PDE4D: variants seen among roughly 807,000 people sequenced by gnomAD.
PDE4D encodes the protein 3',5'-cyclic-AMP phosphodiesterase 4D.
Under a neutral mutation model 87.4 loss-of-function variants are expected in PDE4D, and 24 were observed. The observed-to-expected ratio is 0.27, with a 90% confidence interval of 0.20 to 0.39. PDE4D has a LOEUF of 0.39. Ranked by LOEUF, PDE4D falls within the 10% of genes least tolerant of loss-of-function variation. The probability of loss-of-function intolerance (pLI) is 1.00; values close to 1 mark genes in which losing one functional copy is unlikely to be tolerated. For missense variants in PDE4D, 714 were observed against 1,041.0 expected, an observed-to-expected ratio of 0.69 and a Z score of 4.32; for synonymous variants, 384 against 383.2, an observed-to-expected ratio of 1.00 and a Z score of -0.02.
intron 1 of PDE4D, among the ~76,000 whole-genome samples, chr5:59,249,845 T>TTG (rs145460810): frequency 4.0e-4 from 60 of 151,628 alleles, no homozygotes; most frequent in East Asian, 1.4e-3. Context: ...GTGTGTCGTA[T>TTG]TGTGTGTGTG....
At chr5:59,028,304 CATT>C (rs1319924210) in intron 6 of PDE4D, among the ~76,000 whole-genome samples, 3 of 151,940 alleles carry the variant, frequency 2.0e-5, no homozygotes, top group African/African-American at 7.2e-5. Context: ...GTAAATAAAA[CATT>C]ATAATAGTCC....
intron 1 of PDE4D, among the ~76,000 whole-genome samples, chr5:59,555,366 A>C (rs953242461): frequency 6.6e-5 from 10 of 152,102 alleles, no homozygotes; most frequent in Non-Finnish European, 2.9e-5. Context: ...GGTATGAGGG[A>C]GACAACCAGA....
Position 59,092,062 on chromosome 5 carries a change from A to G in PDE4D, c.809-53091T>C, listed in dbSNP as rs960378045. Among the ~76,000 whole-genome samples, 3 of 152,212 alleles carry G rather than the reference A, an allele frequency of 2.0e-5. No individual in the cohort carries two copies. In the East Asian group the frequency reaches 5.8e-4, roughly 29 times the overall value. On this transcript the variant is annotated intron_variant, in intron 5 of 14. Coordinates refer to ENST00000340635, the MANE Select transcript of PDE4D (RefSeq NM_001104631.2). Reference sequence around the variant, plus strand: ...GTCTGGTTTAACTGAAATTGACAGCAAAGACAACAGAGCACACTTAATTGA... The same window carrying G: ...GTCTGGTTTAACTGAAATTGACAGCGAAGACAACAGAGCACACTTAATTGA...
chr5:59,272,584 C>T (rs26710), intron 1 of PDE4D, among the ~76,000 whole-genome samples: 30,619 of 151,930 alleles, frequency 0.2, 3,469 homozygotes, highest in Non-Finnish European at 0.25. Flanking sequence ...TCTGCTAGAA[C>T]GTGGCATATA....
At chr5:59,115,089 G>A (rs1176437821) in intron 5 of PDE4D, among the ~76,000 whole-genome samples, 2 of 140,078 alleles carry the variant, frequency 1.4e-5, no homozygotes, top group African/African-American at 2.7e-5. Flanking sequence ...GATAGATGGA[G>A]CAATGTCCAG....
chr5:59,606,698 G>T (rs1430987891), intron 1 of PDE4D, among the ~76,000 whole-genome samples: 1 of 152,128 alleles, frequency 6.6e-6, no homozygotes, highest in Non-Finnish European at 1.5e-5. Flanking sequence ...ACCTTCGTAA[G>T]TAGTAAATGC....
At chr5:60,076,774 G>A (rs1773341218) in intron 2 of PDE4D, among the ~76,000 whole-genome samples, 1 of 152,226 alleles carries the variant, frequency 6.6e-6, no homozygotes, top group Non-Finnish European at 1.5e-5. Flanking sequence ...ATAGGGCAGA[G>A]GCAGCAGAAT....
chr5:59,420,009 G>A (rs535304024), intron 1 of PDE4D, among the ~76,000 whole-genome samples: 1 of 152,264 alleles, frequency 6.6e-6, no homozygotes, highest in Admixed American at 6.5e-5. Flanking sequence ...CATTGCACGT[G>A]GTGGCAGATG....
intron 3 of PDE4D, among the ~76,000 whole-genome samples, chr5:59,969,666 T>C (rs946218344): frequency 6.6e-6 from 1 of 152,144 alleles, no homozygotes; most frequent in African/African-American, 2.4e-5. Flanking sequence ...AATTGAACCA[T>C]GGGGACAGTT....
chr5:59,180,794 G>T, intron 4 of PDE4D, 150 bp from the exon 5 acceptor site: 1 of 719,364 alleles, frequency 1.4e-6, no homozygotes, highest in Non-Finnish European at 2.4e-6. Context: ...AGCCAGACAA[G>T]TCCCTAGGCG....
intron 1 of PDE4D, among the ~76,000 whole-genome samples, chr5:60,437,301 G>A (rs577149849): frequency 2.6e-5 from 4 of 151,950 alleles, no homozygotes; most frequent in African/African-American, 4.8e-5. Context: ...CTATTTGACC[G>A]GTCTCTAAGT....
At chr5:59,953,217 A>T (rs569332352) in intron 3 of PDE4D, among the ~76,000 whole-genome samples, 3 of 152,148 alleles carry the variant, frequency 2.0e-5, no homozygotes, top group Non-Finnish European at 2.9e-5. Flanking sequence ...ACTATAAGAA[A>T]TGGTTTCATG....
chr5:59,225,800 A>AC (rs140217434), intron 1 of PDE4D, among the ~76,000 whole-genome samples: 2,490 of 150,728 alleles, frequency 0.017, 52 homozygotes, highest in African/African-American at 0.056. Context: ...CAATAGCAAA[A>AC]CCCCCCCAAA....
rs548089096 is a variant in PDE4D, at chr5:60,109,302, C to T, written c.42+76255G>A. On this transcript the variant is annotated intron_variant, in intron 2 of 16. Transcript: ENST00000502484. The stretch of plus-strand genomic sequence containing the variant: ...CCATCAGAGGAATGCAAATCAAAAC[C>T]ACAATGAGATACCATCTCACACCAG... Among the ~76,000 whole-genome samples the T allele has an allele frequency of 4.3e-3, 658 of 152,250 alleles. 5 individuals carry two copies. The highest frequency in any genetic ancestry group is 0.015 in the African/African-American group (638 of 41,542).
intron 3 of PDE4D, among the ~76,000 whole-genome samples, chr5:59,955,725 G>A (rs1196299345): frequency 6.6e-6 from 1 of 152,150 alleles, no homozygotes. Flanking sequence ...CCCTAAGGCA[G>A]GGTGCTTTTA....
chr5:60,246,312 G>A (rs538786466), intron 1 of PDE4D, among the ~76,000 whole-genome samples: 46 of 142,452 alleles, frequency 3.2e-4, no homozygotes, highest in African/African-American at 1.1e-3. Context: ...AAATCCATGT[G>A]GGATTCTTTT....
At chr5:60,476,717 A>G (rs1402987290) in intron 1 of PDE4D, among the ~76,000 whole-genome samples, 1 of 152,186 alleles carries the variant, frequency 6.6e-6, no homozygotes, top group Non-Finnish European at 1.5e-5. Context: ...CCCTGCGTGC[A>G]GCACACTTTG....
intron 1 of PDE4D, among the ~76,000 whole-genome samples, chr5:60,244,030 G>T (rs1747430116): frequency 6.6e-6 from 1 of 151,820 alleles, no homozygotes; most frequent in Non-Finnish European, 1.5e-5. Context: ...GTTTGCAGAT[G>T]ATATGATCTC....
chr5:59,768,422 C>T (rs1018835896), intron 1 of PDE4D: 1 of 1,598,286 alleles, frequency 6.3e-7, no homozygotes, highest in African/African-American at 1.3e-5. Flanking sequence ...AAGGATTTCA[C>T]AAGGTCTTCG....
Sources: gnomAD v4.1 joint callset for allele counts (sites outside exome capture counted in the v4.1 genomes callset) on GRCh38, gnomAD v4.1.1 for gene constraint, MANE v1.5 for transcripts, NCBI Gene and HGNC (gene_info 2026-07-23, HGNC 2026-07-21) for gene names.